SIPA1L1: variants seen among roughly 807,000 people sequenced by gnomAD.
SIPA1L1 encodes the protein signal-induced proliferation-associated 1-like protein 1.
A neutral mutation model predicts 162.7 loss-of-function variants in SIPA1L1; 26 were observed. The ratio of observed to expected loss-of-function variants is 0.16; its 90% CI spans 0.12 to 0.22. SIPA1L1 has a LOEUF of 0.22. SIPA1L1 is among the 10% of genes least tolerant of loss of function. The pLI is 1.00. For synonymous variants in SIPA1L1, 829 were observed against 837.4 expected (o/e 0.99, Z 0.17); for missense variants, 1,874 against 2,241.0 (o/e 0.84, Z 3.31).
intron 2 of SIPA1L1, among the ~76,000 whole-genome samples, chr14:71,327,228 G>A (rs1321595183): frequency 1.3e-5 from 2 of 151,672 alleles, no homozygotes; most frequent in East Asian, 3.9e-4. Context: ...AACTACAGGC[G>A]TGTGCCACCA....
chr14:71,421,562 C>T (rs993681187), intron 2 of SIPA1L1, among the ~76,000 whole-genome samples: 1 of 151,292 alleles, frequency 6.6e-6, no homozygotes, highest in African/African-American at 2.4e-5. Flanking sequence ...CTCTACTGTA[C>T]TCCATCCTGG....
chr14:71,669,173 C>T (rs2044291773), intron 10 of SIPA1L1, among the ~76,000 whole-genome samples: 1 of 152,202 alleles, frequency 6.6e-6, no homozygotes, highest in Non-Finnish European at 1.5e-5. Flanking sequence ...TCATTTACCT[C>T]CCTACCACAG....
At chr14:71,327,747 A>G (rs1017330748) in intron 2 of SIPA1L1, among the ~76,000 whole-genome samples, 2 of 152,176 alleles carry the variant, frequency 1.3e-5, no homozygotes, top group East Asian at 3.9e-4. Flanking sequence ...TGTGTAGTTG[A>G]TTTAACTCCT....
rs539293669 is a variant in SIPA1L1 at position 71,700,994 on chromosome 14, C to CAAAAAA, written c.3522-1352_3522-1347dup. Among the ~76,000 whole-genome samples the CAAAAAA allele has an allele frequency of 2.0e-3, 102 of 51,752 alleles. 9 individuals carry two copies. Among genetic ancestry groups the CAAAAAA allele is most frequent in the Non-Finnish European group, 2.7e-3 (80 of 29,726 alleles). 34.0% of individuals were successfully genotyped at this position (51,752 alleles called of 152,430 possible). The stretch of plus-strand genomic sequence containing the variant: ...TAGGGGACAGAGCAAGACTCCGTCT[C>CAAAAAA]AAAAAAAAAAAAAAAAAAAAAAAAA... On this transcript the variant is annotated intron_variant, in intron 14 of 23. Coordinates refer to ENST00000381232, the MANE Select transcript of SIPA1L1 (RefSeq NM_001386936.1).
chr14:71,644,463 C>G (rs150397711), intron 7 of SIPA1L1, among the ~76,000 whole-genome samples: 1 of 151,462 alleles, frequency 6.6e-6, no homozygotes, highest in Non-Finnish European at 1.5e-5. Flanking sequence ...TCTTGAACTC[C>G]TGGCCTCAAG....
At chr14:71,432,474 C>T (rs1287564561) in intron 2 of SIPA1L1, among the ~76,000 whole-genome samples, 2 of 152,196 alleles carry the variant, frequency 1.3e-5, no homozygotes, top group African/African-American at 2.4e-5. Context: ...CCTACAATCA[C>T]ACAAGGTAGT....
chr14:71,577,730 CTTTTTT>C (rs5809525), intron 4 of SIPA1L1, among the ~76,000 whole-genome samples: 38 of 97,158 alleles, frequency 3.9e-4, no homozygotes, highest in African/African-American at 7.0e-4. Flanking sequence ...TTGGGCATGC[CTTTTTT>C]TTTTTTTTTT....
chr14:71,506,818 T>G (rs1390690314), intron 2 of SIPA1L1, among the ~76,000 whole-genome samples: 1 of 148,086 alleles, frequency 6.8e-6, no homozygotes, highest in East Asian at 2.0e-4. Flanking sequence ...TTTGTAATCT[T>G]TTTTTTTTTT....
Position 71,730,187 on chromosome 14 carries a change from C to G in SIPA1L1, c.4747C>G (p.Leu1583Val). ...GCACTTTTTCACCTCCAGGGCGTCA[C>G]TTCTGGACCAAGCCCTGCCCAACGA... ...REHFFTSRASLLDQALPNDVL... is the reference protein window; with the variant it reads ...REHFFTSRASVLDQALPNDVL... Residue 1583 changes from leucine (L) to valine (V), a missense_variant, in exon 20 of 24, where the codon CTT becomes GTT. Physicochemically the swap from Leu to Val is conservative, Grantham distance 32. This residue lies in a region of SIPA1L1 where 936 missense variants were observed against 1,051.9 expected (regional missense o/e 0.89). Transcript: ENST00000381232. 6.2e-7 allele frequency: 1 copy of G among 1,614,192 alleles called. No individual in the cohort carries two copies. Among genetic ancestry groups the G allele is most frequent in the East Asian group, 2.2e-5 (1 of 44,878 alleles).
chr14:71,730,363 G>A (rs1160283361), intron 20 of SIPA1L1, 62 bp downstream of exon 20: 17 of 1,582,918 alleles, frequency 1.1e-5, no homozygotes, highest in Admixed American at 1.7e-5. Context: ...GTCCCCAGAC[G>A]TGGCTGCCAC....
intron 2 of SIPA1L1, among the ~76,000 whole-genome samples, chr14:71,374,989 T>A (rs1209459197): frequency 1.3e-5 from 2 of 152,204 alleles, no homozygotes; most frequent in Non-Finnish European, 2.9e-5. Flanking sequence ...GTTTCTCCAA[T>A]AGAGACAGAC....
At chr14:71,621,597 A>G (rs1473556371) in intron 6 of SIPA1L1, among the ~76,000 whole-genome samples, 2 of 152,046 alleles carry the variant, frequency 1.3e-5, no homozygotes, top group African/African-American at 4.8e-5. Flanking sequence ...TTCATATCCA[A>G]TTCAGTGCTT....
intron 5 of SIPA1L1, among the ~76,000 whole-genome samples, chr14:71,607,004 CA>C (rs1259924812): frequency 6.6e-6 from 1 of 151,528 alleles, no homozygotes; most frequent in African/African-American, 2.4e-5. Flanking sequence ...GATGTGACAC[CA>C]AAAGATTGGC....
chr14:71,736,424 T>G (rs1486816044), intron 22 of SIPA1L1, among the ~76,000 whole-genome samples: 1 of 151,960 alleles, frequency 6.6e-6, no homozygotes, highest in African/African-American at 2.4e-5. Context: ...CTTTCAAGGG[T>G]GATTAAAACT....
intron 2 of SIPA1L1, among the ~76,000 whole-genome samples, chr14:71,431,657 G>A (rs532579766): frequency 1.2e-4 from 18 of 152,156 alleles, no homozygotes; most frequent in Non-Finnish European, 2.1e-4. Context: ...TTGCACCACT[G>A]TACTCCAGCC....
In SIPA1L1 at chr14:71,709,229, G is replaced by A. The variant is rs983669168; in HGVS notation, c.3773G>A (p.Ser1258Asn). 3 of 1,609,612 alleles carry A rather than the reference G, an allele frequency of 1.9e-6. No individual in the cohort carries two copies. The highest frequency in any genetic ancestry group is 2.5e-6 in the Non-Finnish European group (3 of 1,177,054). The stretch of plus-strand genomic sequence containing the variant: ...ATTCTGCTTCTCTTGCAGTCTGATA[G>A]CCACTACTCGAGCCACTCCAGTAGC... ...LSPNKQGHSD[S>N]HYSSHSSSNT... The change falls in exon 17 of 24, where the codon AGC becomes AAC. Residue 1258 changes from serine to asparagine, a missense_variant. Ser to Asn is a conservative substitution (Grantham distance 46). This residue lies in a region of SIPA1L1 where 936 missense variants were observed against 1,051.9 expected (regional missense o/e 0.89). Transcript: ENST00000381232.
At chr14:71,706,678 T>G (rs908946593) in intron 16 of SIPA1L1, among the ~76,000 whole-genome samples, 4 of 152,114 alleles carry the variant, frequency 2.6e-5, no homozygotes, top group African/African-American at 7.2e-5. Flanking sequence ...AAAACTAGAG[T>G]AACACCAATA....
rs560603855 is a variant in SIPA1L1, at chr14:71,397,998, CA to C, written c.-465+76828del. ...GATGGCCTAACTGGAATTAAATAAC[CA>C]AAAAAAAAAATTTTTTTTTTTTTTT... On this transcript the variant is annotated intron_variant, in intron 2 of 23. Transcript: ENST00000381232. Among the ~76,000 whole-genome samples, 1,037 of 116,384 alleles carry C rather than the reference CA, an allele frequency of 8.9e-3. 419 individuals carry two copies. The highest frequency in any genetic ancestry group is 0.016 in the South Asian group (56 of 3,518). The allele number at this position is 116,384 out of a possible 152,430, so 76.4% of individuals were successfully genotyped here.
At chr14:71,573,851 C>T (rs1408362024) in intron 4 of SIPA1L1, 1 of 382,326 alleles carries the variant, frequency 2.6e-6, no homozygotes, top group African/African-American at 2.1e-5. Flanking sequence ...ATTTGTATGC[C>T]TTTGATGCTT....
Sources: gnomAD v4.1 joint callset for allele counts (sites outside exome capture counted in the v4.1 genomes callset) on GRCh38, gnomAD v4.1.1 for gene constraint, gnomAD v4.1.1 regional missense constraint, MANE v1.5 for transcripts, NCBI Gene and HGNC (gene_info 2026-07-23, HGNC 2026-07-21) for gene names.